NTN1: variants seen among roughly 807,000 people sequenced by gnomAD.
NTN1 encodes netrin-1.
Under a neutral mutation model 54.2 loss-of-function variants are expected in NTN1, and 11 were observed. The ratio of observed to expected loss-of-function variants is 0.20; its 90% CI spans 0.13 to 0.34. The LOEUF (loss-of-function observed/expected upper bound fraction) is 0.34, where lower values mean the gene tolerates loss of function less well. Ranked by LOEUF, NTN1 falls within the 10% of genes least tolerant of loss-of-function variation. NTN1 has a pLI of 1.00. For missense variants in NTN1, 740 were observed against 893.1 expected (o/e 0.83, Z 2.18); for synonymous variants, 371 against 382.0 (o/e 0.97, Z 0.33).
At chr17:9,234,720 T>C (rs891723817) in intron 6 of NTN1, among the ~76,000 whole-genome samples, 2 of 152,124 alleles carry the variant, frequency 1.3e-5, no homozygotes, top group Non-Finnish European at 2.9e-5. Flanking sequence ...GAAGGGAGGA[T>C]GAAGTTGAGC....
intron 2 of NTN1, among the ~76,000 whole-genome samples, chr17:9,137,383 G>A (rs1336154726): frequency 1.3e-5 from 2 of 152,204 alleles, no homozygotes; most frequent in Admixed American, 1.3e-4. Flanking sequence ...CCAGTACCTA[G>A]AACAGAACTG....
At chr17:9,052,264 C>T (rs1364356294) in intron 2 of NTN1, among the ~76,000 whole-genome samples, 1 of 152,218 alleles carries the variant, frequency 6.6e-6, no homozygotes, top group Non-Finnish European at 1.5e-5. Flanking sequence ...AGCCACCACT[C>T]CCGGCCCCAA....
chr17:9,195,192 A>ACCGCCCCCCCCCCCCCC (rs3031881), intron 5 of NTN1, among the ~76,000 whole-genome samples: 29 of 142,482 alleles, frequency 2.0e-4, no homozygotes, highest in Non-Finnish European at 2.4e-4. Flanking sequence ...GGCGAGCTCT[A>ACCGCCCCCCCCCCCCCC]CCACCCCTCC....
chr17:9,240,083 A>T lies in NTN1; in HGVS notation c.*115A>T. ...CGCGAGGGCTTTCCCAGGTGGGGGGAGGGAGGGGGCGGGGCCGCACGGCGC... is the reference window on the plus strand; with the variant it reads ...CGCGAGGGCTTTCCCAGGTGGGGGGTGGGAGGGGGCGGGGCCGCACGGCGC... On this transcript the variant is annotated 3_prime_UTR_variant, in exon 7 of 7. Transcript: ENST00000173229. 1 of 3,086 alleles carries T rather than the reference A, an allele frequency of 3.2e-4. No homozygotes were observed. The highest frequency in any genetic ancestry group is 6.3e-4 in the Non-Finnish European group (1 of 1,598). The allele number at this position is 3,086 out of a possible 1,614,324, so 0.2% of individuals were successfully genotyped here. A position where few individuals can be genotyped will look rare whatever the true frequency, so the allele number is the denominator to read the frequency against.
the NTN1 span, among the ~76,000 whole-genome samples, chr17:9,010,139 T>C: frequency 6.6e-6 from 1 of 152,230 alleles, no homozygotes; most frequent in Admixed American, 6.5e-5. Context: ...GCAGTCACCA[T>C]GTCCCCAAGG....
At chr17:9,142,296 A>G (rs1296576580) in intron 2 of NTN1, among the ~76,000 whole-genome samples, 2 of 147,764 alleles carry the variant, frequency 1.4e-5, no homozygotes, top group Non-Finnish European at 3.0e-5. Context: ...CTCAAAAAGA[A>G]AAAAAAAAAA....
At chr17:9,208,937 C>T (rs771160402) in intron 5 of NTN1, among the ~76,000 whole-genome samples, 19 of 152,232 alleles carry the variant, frequency 1.2e-4, no homozygotes, top group Admixed American at 3.3e-4. Flanking sequence ...GATCTCAGCT[C>T]TCCTCCTGGC....
At chr17:9,042,036 C>A (rs2091923646) in intron 2 of NTN1, among the ~76,000 whole-genome samples, 1 of 148,282 alleles carries the variant, frequency 6.7e-6, no homozygotes, top group Non-Finnish European at 1.5e-5. Context: ...AGACAACTAA[C>A]TGTGTTTAAC....
chr17:9,217,711 C>T (rs761132659), intron 5 of NTN1, among the ~76,000 whole-genome samples: 3 of 152,116 alleles, frequency 2.0e-5, no homozygotes, highest in Non-Finnish European at 4.4e-5. Flanking sequence ...GCCTCTCCTT[C>T]CAAGCCTAGT....
rs911080888 is a variant in NTN1 at position 9,141,727 on chromosome 17, C to T, written c.1019-21086C>T. ...TGTGTGAGAGAGAAGGGAAAGGTGACGGTTTATGTTTCCTGAAGAGGCAAG... is the reference window on the plus strand; with the variant it reads ...TGTGTGAGAGAGAAGGGAAAGGTGATGGTTTATGTTTCCTGAAGAGGCAAG... On this transcript the variant is annotated intron_variant, in intron 2 of 6. Transcript: ENST00000173229. Among the ~76,000 whole-genome samples, 17 of 151,966 alleles carry T rather than the reference C, an allele frequency of 1.1e-4. 1 individual carries two copies. The highest frequency in any genetic ancestry group is 1.0e-4 in the Non-Finnish European group (7 of 67,990).
At position 9,212,372 on chromosome 17, in the gene NTN1, C is replaced by T. The variant is rs1343983666; in HGVS notation, c.1412-8796C>T. Among the ~76,000 whole-genome samples the T allele has an allele frequency of 6.6e-6, 1 of 152,184 alleles. No individual in the cohort carries two copies. Among genetic ancestry groups the T allele is most frequent in the African/African-American group, 2.4e-5 (1 of 41,424 alleles). ...CTCGCGCATGATGGCCCTTATGAAACCCACGGATGCCTGCGGCACCTTGAA... is the reference window on the plus strand; with the variant it reads ...CTCGCGCATGATGGCCCTTATGAAATCCACGGATGCCTGCGGCACCTTGAA... On this transcript the variant is annotated intron_variant, in intron 5 of 6. Coordinates refer to ENST00000173229, the MANE Select transcript of NTN1 (RefSeq NM_004822.3). The surrounding 1 kb of genome is among the most constrained non-coding windows in gnomAD (Gnocchi z 5.5).
intron 2 of NTN1, among the ~76,000 whole-genome samples, chr17:9,117,267 G>A (rs115032525): frequency 2.6e-3 from 394 of 152,312 alleles, no homozygotes; most frequent in African/African-American, 9.0e-3. Context: ...CTGGTGGCAG[G>A]GGCCACAGAC....
intron 2 of NTN1, among the ~76,000 whole-genome samples, chr17:9,058,077 C>T (rs1246021096): frequency 1.3e-5 from 2 of 152,056 alleles, no homozygotes; most frequent in Admixed American, 6.6e-5. Flanking sequence ...TTAGTAGAGA[C>T]GGGGATTTGC....
chr17:9,160,789 C>CA (rs200150877), intron 2 of NTN1, among the ~76,000 whole-genome samples: 7,664 of 150,320 alleles, frequency 0.051, 257 homozygotes, highest in Middle Eastern at 0.082. Context: ...CCTGTTTCTA[C>CA]AAAAAAAAAT....
the NTN1 span, among the ~76,000 whole-genome samples, chr17:9,006,659 T>G: frequency 6.6e-6 from 1 of 152,220 alleles, no homozygotes; most frequent in Non-Finnish European, 1.5e-5. Flanking sequence ...TGAAGGTTCA[T>G]GGATGCAGAA....
At chr17:9,198,371 A>G (rs11869192) in intron 5 of NTN1, among the ~76,000 whole-genome samples, 53,888 of 152,132 alleles carry the variant, frequency 0.35, 11,044 homozygotes, top group Non-Finnish European at 0.47. Context: ...CCTCCCGGAT[A>G]TCTCCAGGGA....
At chr17:9,095,914 C>T (rs1044886870) in intron 2 of NTN1, among the ~76,000 whole-genome samples, 2 of 152,036 alleles carry the variant, frequency 1.3e-5, no homozygotes, top group Admixed American at 6.6e-5. Context: ...ATTCTCCTGC[C>T]TCAGCCTCCC....
chr17:9,135,223 C>T lies in NTN1; in HGVS notation c.1019-27590C>T, dbSNP rs1236892151. Among the ~76,000 whole-genome samples, 1 of 152,192 alleles carries T rather than the reference C, an allele frequency of 6.6e-6. No homozygotes were observed. Among genetic ancestry groups the T allele is most frequent in the Non-Finnish European group, 1.5e-5 (1 of 68,038 alleles). ...CATCTCCTGTCTGGGCTGCCCTTTACTGGCTACAGGAGGGTCACTGTTCTG... is the reference window on the plus strand; with the variant it reads ...CATCTCCTGTCTGGGCTGCCCTTTATTGGCTACAGGAGGGTCACTGTTCTG... On this transcript the variant is annotated intron_variant, in intron 2 of 6. Coordinates refer to ENST00000173229, the MANE Select transcript of NTN1 (RefSeq NM_004822.3). This position sits in a 1 kb window ranked among gnomAD's most constrained non-coding sequence, Gnocchi z 4.4.
intron 3 of NTN1, among the ~76,000 whole-genome samples, chr17:9,166,734 T>G (rs1221474193): frequency 6.6e-6 from 1 of 152,168 alleles, no homozygotes; most frequent in African/African-American, 2.4e-5. Flanking sequence ...TCAGATGAAT[T>G]TCACAGGGGA....
Sources: allele counts gnomAD v4.1 joint callset (sites outside exome capture counted in the v4.1 genomes callset), GRCh38; gene constraint gnomAD v4.1.1; non-coding constraint Gnocchi (gnomAD v3.1); transcripts MANE v1.5; gene names NCBI Gene and HGNC (gene_info 2026-07-23, HGNC 2026-07-21).